Variants in PIK3C2G observed in about 807,000 individuals in gnomAD.
The protein encoded by PIK3C2G is phosphatidylinositol-4-phosphate 3-kinase catalytic subunit type 2 gamma, also known as phosphatidylinositol 3-kinase C2 domain-containing subunit gamma.
PIK3C2G carries 168 observed loss-of-function variants against 181.1 expected under a neutral mutation model. The ratio of observed to expected loss-of-function variants is 0.93; its 90% CI spans 0.82 to 1.05. The LOEUF is 1.05. PIK3C2G is among the 50% of genes least tolerant of loss of function. PIK3C2G has a pLI of 0.00. For synonymous variants in PIK3C2G, 573 were observed against 592.2 expected, an observed-to-expected ratio of 0.97 and a Z score of 0.47; for missense variants, 1,869 against 1,732.8, an observed-to-expected ratio of 1.08 and a Z score of -1.40.
At chr12:18,585,906 A>G (rs1259915246) in intron 29 of PIK3C2G, among the ~76,000 whole-genome samples, 1 of 152,168 alleles carries the variant, frequency 6.6e-6, no homozygotes, top group Non-Finnish European at 1.5e-5. Flanking sequence ...GCTCAAAACT[A>G]TGCAATTACA....
chr12:18,484,693 T>A (rs1309135220), intron 18 of PIK3C2G, among the ~76,000 whole-genome samples: 1 of 152,164 alleles, frequency 6.6e-6, no homozygotes, highest in African/African-American at 2.4e-5. Flanking sequence ...GTATAACGTA[T>A]CAAGTTCCTC....
chr12:18,722,144 A>G, the PIK3C2G span, among the ~76,000 whole-genome samples: 1 of 151,982 alleles, frequency 6.6e-6, no homozygotes, highest in South Asian at 2.1e-4. Flanking sequence ...CTCAAATCTC[A>G]CACTCTCAGA....
chr12:18,627,286 T>G (rs142313290), intron 31 of PIK3C2G, among the ~76,000 whole-genome samples: 1 of 152,248 alleles, frequency 6.6e-6, no homozygotes, highest in East Asian at 1.9e-4. Context: ...GTTTTCCAAA[T>G]TTTACTTTTT....
intron 18 of PIK3C2G, among the ~76,000 whole-genome samples, chr12:18,450,556 T>C (rs1778465503): frequency 6.6e-6 from 1 of 152,238 alleles, no homozygotes; most frequent in Admixed American, 6.5e-5. Flanking sequence ...GATGACAGTT[T>C]CTTTTGCTGT....
intron 18 of PIK3C2G, among the ~76,000 whole-genome samples, chr12:18,471,226 C>T (rs1450345613): frequency 6.6e-6 from 1 of 152,094 alleles, no homozygotes; most frequent in East Asian, 1.9e-4. Context: ...GTTGCCTTAC[C>T]TCAGACAAGA....
In PIK3C2G at chr12:18,573,026, C is replaced by T. The variant is rs148052810; in HGVS notation, c.4011+5969C>T. Among the ~76,000 whole-genome samples, 809 of 152,152 alleles carry T rather than the reference C, an allele frequency of 5.3e-3. 9 individuals are homozygous for T. Among genetic ancestry groups the T allele is most frequent in the African/African-American group, 0.017 (723 of 41,516 alleles). ...AGTTATTTTTAAATCTTTCTTAAAA[C>T]GCCACTATTGAGAATCACTGCATGT... is the stretch of plus-strand genomic sequence containing the variant. On this transcript the variant is annotated intron_variant, in intron 29 of 32. Coordinates refer to ENST00000538779, the MANE Select transcript of PIK3C2G (RefSeq NM_001288772.2).
At chr12:18,650,714 A>ATATC (rs1932977526), downstream of PIK3C2G, among the ~76,000 whole-genome samples, 2 of 3,588 alleles carry the variant, frequency 5.6e-4, no homozygotes, top group Admixed American at 3.6e-3. Flanking sequence ...GTATATATCT[A>ATATC]TATATATATA....
At chr12:18,648,455 T>A (rs1371840244), downstream of PIK3C2G, 4 of 190,658 alleles carry the variant, frequency 2.1e-5, no homozygotes, top group Admixed American at 2.5e-4. Context: ...AAAACTTAAA[T>A]TATATATACT....
At chr12:18,463,195 G>T (rs1299975445) in intron 18 of PIK3C2G, among the ~76,000 whole-genome samples, 1 of 152,010 alleles carries the variant, frequency 6.6e-6, no homozygotes, top group Non-Finnish European at 1.5e-5. Flanking sequence ...CATTGTCATG[G>T]TATATCCTAC....
intron 1 of PIK3C2G, among the ~76,000 whole-genome samples, chr12:18,274,158 A>T (rs568202165): frequency 0.016 from 2,377 of 152,184 alleles, 58 homozygotes; most frequent in African/African-American, 0.053. Flanking sequence ...AAACAACAGG[A>T]GCTGGAGAGG....
chr12:18,267,177 T>C (rs143469069), intron 1 of PIK3C2G, among the ~76,000 whole-genome samples: 2 of 152,240 alleles, frequency 1.3e-5, no homozygotes, highest in African/African-American at 4.8e-5. Context: ...TTTAGTTTTC[T>C]GATGTATCAA....
chr12:18,615,797 T>C (rs189981354), intron 31 of PIK3C2G, among the ~76,000 whole-genome samples: 173 of 152,148 alleles, frequency 1.1e-3, no homozygotes, highest in African/African-American at 4.0e-3. Context: ...CTTGTTTTCT[T>C]CTCTAATTCT....
the PIK3C2G span, chr12:18,701,706 C>G: frequency 1.9e-6 from 3 of 1,611,696 alleles, no homozygotes; most frequent in South Asian, 1.1e-5. Flanking sequence ...CTTATCAGAA[C>G]CTTTTCTTTC....
At chr12:18,652,253 C>A (rs1406826539), downstream of PIK3C2G, among the ~76,000 whole-genome samples, 2 of 151,994 alleles carry the variant, frequency 1.3e-5, no homozygotes, top group East Asian at 3.9e-4. Context: ...GTCCCATATA[C>A]CAGTCACATA....
At chr12:18,661,699 A>G in the PIK3C2G span, among the ~76,000 whole-genome samples, 2 of 152,252 alleles carry the variant, frequency 1.3e-5, no homozygotes, top group South Asian at 4.1e-4. Flanking sequence ...TGCTGGTGGG[A>G]AAGAAATTAG....
At chr12:18,443,151 A>T (rs936101171) in intron 18 of PIK3C2G, among the ~76,000 whole-genome samples, 2 of 152,158 alleles carry the variant, frequency 1.3e-5, no homozygotes, top group Admixed American at 1.3e-4. Flanking sequence ...GATTACAGGC[A>T]TGAGCCACCA....
the PIK3C2G span, among the ~76,000 whole-genome samples, chr12:18,711,654 CA>C: frequency 6.6e-6 from 1 of 151,646 alleles, no homozygotes; most frequent in East Asian, 1.9e-4. Flanking sequence ...TTGGCTAGAG[CA>C]CATGAAAGTT....
At chr12:18,490,493 T>C (rs1045360919) in intron 19 of PIK3C2G, among the ~76,000 whole-genome samples, 2 of 152,174 alleles carry the variant, frequency 1.3e-5, no homozygotes, top group Admixed American at 6.5e-5. Context: ...ACTTTTTTTG[T>C]ATCCATTAAC....
chr12:18,407,695 T>C (rs1337913775), intron 16 of PIK3C2G, among the ~76,000 whole-genome samples: 1 of 152,128 alleles, frequency 6.6e-6, no homozygotes, highest in Admixed American at 6.6e-5. Context: ...AAACCTTTCT[T>C]CAAAGGAGAA....
Sources: gnomAD v4.1 joint callset for allele counts (sites outside exome capture counted in the v4.1 genomes callset) on GRCh38, gnomAD v4.1.1 for gene constraint, MANE v1.5 for transcripts, NCBI Gene and HGNC (gene_info 2026-07-23, HGNC 2026-07-21) for gene names.